Variants in SNX27 observed in about 807,000 individuals in gnomAD.
SNX27 encodes sorting nexin 27.
A neutral mutation model predicts 71.6 loss-of-function variants in SNX27; 22 were observed. The observed-to-expected ratio is 0.31, with a 90% CI of 0.22 to 0.44. The LOEUF (loss-of-function observed/expected upper bound fraction) is 0.44. Ranked by LOEUF, SNX27 falls within the 20% of genes least tolerant of loss-of-function variation. The probability of loss-of-function intolerance (pLI) is 1.00; values close to 1 mark genes in which losing one functional copy is unlikely to be tolerated. For missense variants in SNX27, 531 were observed against 698.6 expected, an observed-to-expected ratio of 0.76 and a Z score of 2.70; for synonymous variants, 269 against 277.2, an observed-to-expected ratio of 0.97 and a Z score of 0.29.
In SNX27 at chr1:151,612,288, C is replaced by G; in HGVS notation, c.87C>G (p.His29Gln). Residue 29 changes from histidine to glutamine, a missense_variant, in exon 1 of 12, where the codon CAC becomes CAG. By Grantham distance (24) the His-to-Gln change is conservative (BLOSUM62 0). Transcript: ENST00000458013. This position sits in a 1 kb window ranked among gnomAD's most constrained non-coding sequence, Gnocchi z 5.2. ...GCGGCGGCGGGGGGTCTGGGCTCCA[C>G]TGCGCCGGGAACGGCGGCGGGGGAG... The part of the protein sequence containing the change: ...GGGGGGGSGL[H>Q]CAGNGGGGGG... The G allele has an allele frequency of 6.6e-7, 1 of 1,507,672 alleles. No individual in the cohort carries two copies. 93.4% of individuals were successfully genotyped at this position (1,507,672 alleles called of 1,614,324 possible).
In SNX27 at chr1:151,695,177, C is replaced by CTG. The variant is rs1474348322; in HGVS notation, c.*762_*763dup. On this transcript the variant is annotated 3_prime_UTR_variant, in exon 12 of 12. Coordinates refer to ENST00000458013, the MANE Select transcript of SNX27 (RefSeq NM_001330723.2). ...AGGTGTGTTTCTCAAGGTTAACAGG[C>CTG]TGTAGTTCTGCAGGGAGAGCCTGAA... 6.6e-6 allele frequency: 1 copy of CTG among 152,490 alleles called. No individual in the cohort carries two copies. Among genetic ancestry groups the CTG allele is most frequent in the African/African-American group, 2.4e-5 (1 of 41,394 alleles). The allele number at this position is 152,490 out of a possible 1,614,324, so 9.4% of individuals were successfully genotyped here.
rs146348010 is a variant in SNX27, at chr1:151,616,657, G to A, written c.311+4145G>A. On this transcript the variant is annotated intron_variant, in intron 1 of 11. Coordinates refer to ENST00000458013, the MANE Select transcript of SNX27 (RefSeq NM_001330723.2). The stretch of plus-strand genomic sequence containing the variant: ...AGTCATGTAACACAGACTAGGTACC[G>A]TCTCAAAAGCCGCTTTCTCAATTGC... Among the ~76,000 whole-genome samples the A allele has an allele frequency of 3.5e-3, 529 of 152,282 alleles. 4 individuals carry two copies. Among genetic ancestry groups the A allele is most frequent in the African/African-American group, 0.012 (486 of 41,558 alleles).
intron 1 of SNX27, among the ~76,000 whole-genome samples, chr1:151,636,969 ACT>A (rs1489953582): frequency 6.6e-6 from 1 of 151,978 alleles, no homozygotes; most frequent in African/African-American, 2.4e-5. Flanking sequence ...CTTCACAGCA[ACT>A]CTGTTAGGAA....
intron 1 of SNX27, among the ~76,000 whole-genome samples, chr1:151,623,754 A>C (rs989384623): frequency 2.6e-5 from 4 of 152,060 alleles, no homozygotes; most frequent in Non-Finnish European, 5.9e-5. Flanking sequence ...ACCCATTGTC[A>C]TGTCTACTCT....
intron 1 of SNX27, among the ~76,000 whole-genome samples, chr1:151,621,070 A>T (rs1356379898): frequency 6.6e-6 from 1 of 152,176 alleles, no homozygotes; most frequent in East Asian, 1.9e-4. Flanking sequence ...CGGGGGGGAA[A>T]CTTAATGTGG....
At chr1:151,685,190 T>G (rs115022961) in intron 8 of SNX27, among the ~76,000 whole-genome samples, 1 of 152,230 alleles carries the variant, frequency 6.6e-6, no homozygotes, top group African/African-American at 2.4e-5. Flanking sequence ...TGAAGTACAA[T>G]GTCTACTGCA....
At chr1:151,651,098 T>A (rs2102658217) in intron 2 of SNX27, among the ~76,000 whole-genome samples, 1 of 152,120 alleles carries the variant, frequency 6.6e-6, no homozygotes, top group African/African-American at 2.4e-5. Context: ...TCCTGGCCCG[T>A]TCTCAATGAG....
chr1:151,616,528 A>G (rs1043955355), intron 1 of SNX27, among the ~76,000 whole-genome samples: 2 of 152,228 alleles, frequency 1.3e-5, no homozygotes, highest in African/African-American at 2.4e-5. Context: ...GTGTATATCA[A>G]TTTGTTTTTT....
chr1:151,637,313 G>C (rs1038588684), intron 1 of SNX27, among the ~76,000 whole-genome samples: 1 of 151,920 alleles, frequency 6.6e-6, no homozygotes, highest in South Asian at 2.1e-4. Flanking sequence ...CAAGTAGCTG[G>C]GACTACAGGC....
intron 1 of SNX27, among the ~76,000 whole-genome samples, chr1:151,618,818 G>A (rs957976873): frequency 6.6e-6 from 1 of 152,092 alleles, no homozygotes; most frequent in Non-Finnish European, 1.5e-5. Flanking sequence ...AGCCATTTAG[G>A]TTCATTCTTT....
At chr1:151,691,837 G>T (rs1478160900) in intron 8 of SNX27, among the ~76,000 whole-genome samples, 1 of 151,094 alleles carries the variant, frequency 6.6e-6, no homozygotes, top group East Asian at 2.0e-4. Flanking sequence ...AGTAGAGAAA[G>T]GAGGGTTAGA....
Position 151,696,522 on chromosome 1 carries a change from G to GTTCTTTCGTTCTTTCGTTCTTTCTTTCT in SNX27, c.*2112_*2113insGTTCTTTCGTTCTTTCTTTCTTTCTTTC. 9.8e-6 allele frequency: 1 copy of GTTCTTTCGTTCTTTCGTTCTTTCTTTCT among 102,306 alleles called. No homozygotes were observed. Among genetic ancestry groups the GTTCTTTCGTTCTTTCGTTCTTTCTTTCT allele is most frequent in the Admixed American group, 9.3e-5 (1 of 10,790 alleles). The allele number at this position is 102,306 out of a possible 1,614,324, so 6.3% of individuals were successfully genotyped here. Reference sequence around the variant, plus strand: ...CTTTCTTTCGTTCTTTCGTTCTTTCGTTCTTTCTTTCTTTCTTTCTTTCTC... The same window carrying GTTCTTTCGTTCTTTCGTTCTTTCTTTCT: ...CTTTCTTTCGTTCTTTCGTTCTTTCGTTCTTTCGTTCTTTCGTTCTTTCTTTCTTTCTTTCTTTCTTTCTTTCTTTCTC... On this transcript the variant is annotated 3_prime_UTR_variant, in exon 12 of 12. Transcript: ENST00000458013.
chr1:151,648,838 G>T (rs1458544645), intron 2 of SNX27, among the ~76,000 whole-genome samples: 1 of 152,040 alleles, frequency 6.6e-6, no homozygotes, highest in Non-Finnish European at 1.5e-5. Context: ...GTGCAGGTCT[G>T]TTGGCAATGA....
chr1:151,654,882 G>A (rs753307699), intron 2 of SNX27, among the ~76,000 whole-genome samples: 5 of 152,054 alleles, frequency 3.3e-5, no homozygotes, highest in Admixed American at 6.6e-5. Flanking sequence ...AATACACTTC[G>A]TAATCCCACT....
At chr1:151,645,733 G>T (rs1669005512) in intron 2 of SNX27, among the ~76,000 whole-genome samples, 4 of 152,180 alleles carry the variant, frequency 2.6e-5, no homozygotes, top group Non-Finnish European at 5.9e-5. Flanking sequence ...GTCACTTTCT[G>T]AGTTTTAGTT....
chr1:151,615,718 T>C, intron 1 of SNX27: 1 of 984,392 alleles, frequency 1.0e-6, no homozygotes, highest in Non-Finnish European at 1.2e-6. Flanking sequence ...TTTAAGACTT[T>C]TCCCTATTTT....
chr1:151,662,326 AGATT>A (rs1485330622), intron 5 of SNX27, 56 bp downstream of exon 5: 67 of 1,208,734 alleles, frequency 5.5e-5, no homozygotes, highest in Non-Finnish European at 7.4e-5. Context: ...TAAGGAAGAT[AGATT>A]AAATAAGTCA....
chr1:151,638,988 C>T lies in SNX27; in HGVS notation c.412C>T (p.His138Tyr). The change falls in exon 2 of 12, where the codon CAT becomes TAT. Residue 138 changes from histidine (H) to tyrosine (Y), a missense_variant. Physicochemically the swap from His to Tyr is moderately conservative, Grantham distance 83. This residue lies in a region of SNX27 where 47 missense variants were observed against 41.4 expected (regional missense o/e 1.13). Coordinates refer to ENST00000458013, the MANE Select transcript of SNX27 (RefSeq NM_001330723.2). ...CTTGACAGTGTTATCTGTACCTCCT[C>T]ATGAGGCAGATAACCTAGATCCCAG... ...LILTVLSVPP[H>Y]EADNLDPSDD... 1.9e-6 allele frequency: 3 copies of T among 1,614,146 alleles called. No individual in the cohort carries two copies. Among genetic ancestry groups the T allele is most frequent in the Non-Finnish European group, 2.5e-6 (3 of 1,180,002 alleles).
At chr1:151,689,392 A>T (rs1417068253) in intron 8 of SNX27, among the ~76,000 whole-genome samples, 2 of 152,208 alleles carry the variant, frequency 1.3e-5, no homozygotes, top group East Asian at 3.8e-4. Context: ...CAGATGGCAG[A>T]AGAGAAGACC....
Sources: gnomAD v4.1 joint callset for allele counts (sites outside exome capture counted in the v4.1 genomes callset) on GRCh38, gnomAD v4.1.1 for gene constraint, gnomAD v4.1.1 regional missense constraint, Gnocchi (gnomAD v3.1) non-coding constraint, MANE v1.5 for transcripts, NCBI Gene and HGNC (gene_info 2026-07-23, HGNC 2026-07-21) for gene names.